Variants in DCBLD1 observed in about 807,000 individuals in gnomAD.
The protein encoded by DCBLD1 is discoidin, CUB and LCCL domain-containing protein 1.
In DCBLD1, 57 loss-of-function variants were observed where a neutral mutation model predicts 71.5. The ratio of observed to expected loss-of-function variants is 0.80; its 90% CI spans 0.64 to 0.99. The LOEUF is 0.99. Ranked by LOEUF, DCBLD1 falls within the 50% of genes least tolerant of loss-of-function variation. The pLI, the probability that DCBLD1 is intolerant of heterozygous loss-of-function variation, is 0.00. For missense variants in DCBLD1, 891 were observed against 923.5 expected, an observed-to-expected ratio of 0.96 and a Z score of 0.46; for synonymous variants, 380 against 363.8, an observed-to-expected ratio of 1.04 and a Z score of -0.51.
At chr6:117,483,524 A>G (rs1359899879) in intron 1 of DCBLD1, among the ~76,000 whole-genome samples, 1 of 152,070 alleles carries the variant, frequency 6.6e-6, no homozygotes, top group African/African-American at 2.4e-5. Context: ...CTTCCTGTGT[A>G]TTTGAGCCGG....
In DCBLD1 at chr6:117,548,215, G is replaced by T; in HGVS notation, c.1924G>T (p.Val642Leu). 6.4e-7 allele frequency: 1 copy of T among 1,550,530 alleles called. No homozygotes were observed. The highest frequency in any genetic ancestry group is 8.7e-7 in the Non-Finnish European group (1 of 1,146,970). ...CCTCTCCTCGGGCGGCTTCTCCCCC[G>T]TAGCGGGTGTGGGCGCCCAGGACGG... ...HSLSSGGFSPVAGVGAQDGDY... is the reference protein window; with the variant it reads ...HSLSSGGFSPLAGVGAQDGDY... Residue 642 changes from valine (V) to leucine (L), a missense_variant, in exon 15 of 15, where the codon GTA (valine) becomes TTA (leucine). Val to Leu is a conservative substitution (Grantham distance 32). Coordinates refer to ENST00000338728, the MANE Select transcript of DCBLD1 (RefSeq NM_001366458.2).
intron 1 of DCBLD1, among the ~76,000 whole-genome samples, chr6:117,501,697 A>G (rs1777665897): frequency 6.6e-6 from 1 of 152,338 alleles, no homozygotes; most frequent in South Asian, 2.1e-4. Flanking sequence ...AAAGCCGACA[A>G]ATAATTCAGA....
chr6:117,541,250 T>A (rs1779086302), intron 11 of DCBLD1, among the ~76,000 whole-genome samples: 1 of 152,038 alleles, frequency 6.6e-6, no homozygotes, highest in Non-Finnish European at 1.5e-5. Context: ...AAACACTAGG[T>A]ACATATTTTG....
chr6:117,549,568 G>T lies in DCBLD1; in HGVS notation c.*1129G>T. ...TTTTGCCAAAGAGGGAAGTGTGTGT[G>T]TTTTTTTAATAGAAAATATGGACCA... is the stretch of plus-strand genomic sequence containing the variant. On this transcript the variant is annotated 3_prime_UTR_variant, in exon 15 of 15. Transcript: ENST00000338728. 1 of 985,196 alleles carries T rather than the reference G, an allele frequency of 1.0e-6. No homozygotes were observed. Among genetic ancestry groups the T allele is most frequent in the Non-Finnish European group, 1.2e-6 (1 of 829,886 alleles). The allele number at this position is 985,196 out of a possible 1,614,324, so 61.0% of individuals were successfully genotyped here. A position where few individuals can be genotyped will look rare whatever the true frequency, so the allele number is the denominator to read the frequency against.
At chr6:117,559,757 A>G (rs1779547773) in intron 14 of DCBLD1, among the ~76,000 whole-genome samples, 1 of 152,262 alleles carries the variant, frequency 6.6e-6, no homozygotes, top group Admixed American at 6.5e-5. Flanking sequence ...ATACTGATTA[A>G]CAATGAAAAT....
At chr6:117,543,072 AGTG>A in intron 11 of DCBLD1, 49 bp from the exon 12 acceptor site, 1 of 1,456,110 alleles carries the variant, frequency 6.9e-7, no homozygotes. Context: ...AATCATGAAA[AGTG>A]GTTGTTGGTC....
At chr6:117,502,615 A>G (rs1172344433) in intron 1 of DCBLD1, among the ~76,000 whole-genome samples, 1 of 152,110 alleles carries the variant, frequency 6.6e-6, no homozygotes, top group Non-Finnish European at 1.5e-5. Flanking sequence ...GATTCACAGT[A>G]TACCCAAGGT....
At chr6:117,545,436 AT>A (rs2114568232) in intron 13 of DCBLD1, 41 bp from the exon 14 acceptor site, 1 of 1,606,624 alleles carries the variant, frequency 6.2e-7, no homozygotes, top group East Asian at 2.2e-5. Context: ...CGCGCATTAC[AT>A]TTCTGACATA....
intron 1 of DCBLD1, among the ~76,000 whole-genome samples, chr6:117,493,744 T>A (rs1777376043): frequency 6.6e-6 from 1 of 152,166 alleles, no homozygotes; most frequent in Non-Finnish European, 1.5e-5. Flanking sequence ...AGCTTCAGGT[T>A]AGGGTCTGAT....
At chr6:117,543,906 C>A (rs1659636759) in intron 12 of DCBLD1, among the ~76,000 whole-genome samples, 1 of 152,204 alleles carries the variant, frequency 6.6e-6, no homozygotes. Context: ...TTCTGAATCT[C>A]TTCCAGAACC....
In DCBLD1 at chr6:117,563,734, T is replaced by TA. The variant is rs754335178; in HGVS notation, c.1616-5871dup. 2.2e-3 allele frequency among the ~76,000 whole-genome samples: 284 copies of TA among 131,124 alleles called. 1 individual carries two copies. Among genetic ancestry groups the TA allele is most frequent in the Middle Eastern group, 0.012 (3 of 258 alleles). 86.0% of individuals were successfully genotyped at this position (131,124 alleles called of 152,430 possible). A position where few individuals can be genotyped will look rare whatever the true frequency, so the allele number is the denominator to read the frequency against. On this transcript the variant is annotated intron_variant, in intron 14 of 14. Coordinates refer to the DCBLD1 transcript ENST00000296955. The stretch of plus-strand genomic sequence containing the variant: ...GAAACTCTGTCTCGATTAAAAAAAT[T>TA]AAAAAAAAAAAAAAAGTTAGTTGTA...
intron 14 of DCBLD1, among the ~76,000 whole-genome samples, chr6:117,557,817 G>A (rs546619883): frequency 1.3e-5 from 2 of 152,250 alleles, no homozygotes; most frequent in South Asian, 2.1e-4. Flanking sequence ...TACTCCTTTG[G>A]TTTTTGCCAG....
chr6:117,528,214 A>AT (rs944873703), intron 5 of DCBLD1, among the ~76,000 whole-genome samples: 14 of 152,090 alleles, frequency 9.2e-5, no homozygotes, highest in East Asian at 3.8e-4. Context: ...AATATGAGTG[A>AT]TTTTTTTTCA....
downstream of DCBLD1, among the ~76,000 whole-genome samples, chr6:117,552,577 A>G (rs9489219): frequency 0.016 from 2,404 of 151,986 alleles, 51 homozygotes; most frequent in African/African-American, 0.055. Context: ...TGTGACACCT[A>G]ATATCTTCCA....
intron 1 of DCBLD1, among the ~76,000 whole-genome samples, chr6:117,496,663 G>T (rs992049864): frequency 2.0e-5 from 3 of 152,178 alleles, no homozygotes; most frequent in Non-Finnish European, 4.4e-5. Flanking sequence ...TATTAGAAGA[G>T]CAAGGATACA....
chr6:117,531,521 GA>G (rs1778719350), intron 5 of DCBLD1, among the ~76,000 whole-genome samples: 1 of 152,174 alleles, frequency 6.6e-6, no homozygotes, highest in African/African-American at 2.4e-5. Flanking sequence ...GCATCTGTCA[GA>G]ACAGCCAGCA....
At chr6:117,504,599 C>A (rs972499088) in intron 2 of DCBLD1, among the ~76,000 whole-genome samples, 1 of 152,146 alleles carries the variant, frequency 6.6e-6, no homozygotes, top group Non-Finnish European at 1.5e-5. Flanking sequence ...ATGGACTGTT[C>A]CGTTACGACT....
chr6:117,534,263 T>C (rs1344006558), intron 6 of DCBLD1, among the ~76,000 whole-genome samples: 2 of 149,478 alleles, frequency 1.3e-5, no homozygotes, highest in African/African-American at 4.9e-5. Flanking sequence ...TACACACACA[T>C]ATATATAACA....
chr6:117,489,140 T>C (rs1448824673), intron 1 of DCBLD1, among the ~76,000 whole-genome samples: 1 of 152,180 alleles, frequency 6.6e-6, no homozygotes, highest in Non-Finnish European at 1.5e-5. Context: ...CTGCAGGCTG[T>C]ACAGGCATAG....
Sources: allele counts gnomAD v4.1 joint callset (sites outside exome capture counted in the v4.1 genomes callset), GRCh38; gene constraint gnomAD v4.1.1; transcripts MANE v1.5; gene names NCBI Gene and HGNC (gene_info 2026-07-23, HGNC 2026-07-21).